Variants in ILKAP observed in about 807,000 individuals in gnomAD.
ILKAP encodes the protein ILK associated serine/threonine phosphatase.
ILKAP carries 11 observed loss-of-function variants against 49.1 expected under a neutral mutation model. The observed-to-expected ratio is 0.22, with a 90% CI of 0.14 to 0.37. The LOEUF (loss-of-function observed/expected upper bound fraction) is 0.37, where lower values mean the gene tolerates loss of function less well. ILKAP is among the 10% of genes least tolerant of loss of function. The pLI, the probability that ILKAP is intolerant of heterozygous loss-of-function variation, is 1.00. For synonymous variants in ILKAP, 186 were observed against 192.8 expected (o/e 0.96, Z 0.29); for missense variants, 363 against 510.8 (o/e 0.71, Z 2.79).
intron 2 of ILKAP, 119 bp from the exon 3 acceptor site, chr2:238,194,450 A>G (rs1694265843): frequency 1.2e-6 from 1 of 824,038 alleles, no homozygotes; most frequent in Non-Finnish European, 2.0e-6. Flanking sequence ...CTTTGCGTCA[A>G]TCCAGTGGCA....
At chr2:238,190,073 T>G (rs188281605) in intron 3 of ILKAP, 101 bp from the exon 4 acceptor site, 3 of 1,337,506 alleles carry the variant, frequency 2.2e-6, no homozygotes, top group African/African-American at 1.5e-5. Context: ...ACAAGGTCAT[T>G]TGAAGCAAGG....
intron 5 of ILKAP, 105 bp from the exon 6 acceptor site, chr2:238,185,392 AG>A (rs1392207890): frequency 4.2e-6 from 3 of 713,102 alleles, no homozygotes; most frequent in South Asian, 3.4e-5. Flanking sequence ...AATAAGTCAG[AG>A]GAAGTCACAC....
intron 10 of ILKAP, 138 bp from the exon 11 acceptor site, chr2:238,171,162 T>TC: frequency 4.0e-5 from 13 of 326,916 alleles, no homozygotes; most frequent in Non-Finnish European, 6.6e-5. Flanking sequence ...TCTTTTTTCT[T>TC]TTTTTTTTTT....
chr2:238,177,783 G>A (rs764022575), intron 9 of ILKAP, among the ~76,000 whole-genome samples: 1 of 152,188 alleles, frequency 6.6e-6, no homozygotes, highest in Non-Finnish European at 1.5e-5. Context: ...TGTGAACACA[G>A]GTATGCAAAT....
chr2:238,174,170 A>G (rs1693347077), intron 9 of ILKAP, among the ~76,000 whole-genome samples: 1 of 152,238 alleles, frequency 6.6e-6, no homozygotes, highest in African/African-American at 2.4e-5. Flanking sequence ...CATCAAGTAC[A>G]GGTACGGTTT....
chr2:238,202,173 TCACCATTG>T (rs1694597737), intron 1 of ILKAP, among the ~76,000 whole-genome samples: 1 of 152,160 alleles, frequency 6.6e-6, no homozygotes, highest in South Asian at 2.1e-4. Flanking sequence ...AGCTCAGATC[TCACCATTG>T]CACTCCAGCC....
At chr2:238,174,488 G>A (rs114560901) in intron 9 of ILKAP, among the ~76,000 whole-genome samples, 3 of 152,202 alleles carry the variant, frequency 2.0e-5, no homozygotes, top group Non-Finnish European at 2.9e-5. Flanking sequence ...CCACGGCTGC[G>A]CATGGGCGTT....
chr2:238,191,780 C>CT (rs1446665489), intron 3 of ILKAP, among the ~76,000 whole-genome samples: 1 of 152,012 alleles, frequency 6.6e-6, no homozygotes, highest in Non-Finnish European at 1.5e-5. Flanking sequence ...ATGGTAGCGC[C>CT]TGTAATCCCA....
At chr2:238,176,114 A>C in intron 9 of ILKAP, among the ~76,000 whole-genome samples, 2 of 131,844 alleles carry the variant, frequency 1.5e-5, no homozygotes, top group Non-Finnish European at 1.6e-5. Context: ...CCTCATAATT[A>C]CAATGCTTAG....
intron 8 of ILKAP, among the ~76,000 whole-genome samples, chr2:238,183,322 A>C (rs915384550): frequency 2.0e-5 from 3 of 152,244 alleles, no homozygotes; most frequent in Non-Finnish European, 2.9e-5. Context: ...AAATAAAAGA[A>C]GATTTAGGCT....
intron 2 of ILKAP, 108 bp downstream of exon 2, chr2:238,194,697 A>T (rs1194345379): frequency 8.6e-7 from 1 of 1,165,542 alleles, no homozygotes; most frequent in Non-Finnish European, 1.3e-6. Context: ...CCAACACCTA[A>T]AACATCTGTG....
chr2:238,178,616 G>A (rs374551541), intron 9 of ILKAP, among the ~76,000 whole-genome samples: 5 of 152,178 alleles, frequency 3.3e-5, no homozygotes, highest in African/African-American at 1.2e-4. Context: ...ACTCTGTAAC[G>A]TTAAATATGA....
At chr2:238,178,936 T>TG (rs774615760) in intron 9 of ILKAP, among the ~76,000 whole-genome samples, 2 of 152,230 alleles carry the variant, frequency 1.3e-5, no homozygotes, top group Non-Finnish European at 2.9e-5. Context: ...CACAAGTGTG[T>TG]GCCACCCCAC....
intron 3 of ILKAP, among the ~76,000 whole-genome samples, chr2:238,192,571 G>A (rs1306419459): frequency 1.3e-5 from 2 of 152,026 alleles, no homozygotes; most frequent in African/African-American, 2.4e-5. Context: ...GTGGTGGCGG[G>A]AGCCTGTAGT....
chr2:238,170,878 C>G, intron 11 of ILKAP, 65 bp downstream of exon 11: 1 of 1,517,898 alleles, frequency 6.6e-7, no homozygotes, highest in Non-Finnish European at 9.2e-7. Context: ...GGTCTCAGAA[C>G]TTCTACTTCT....
chr2:238,203,490 G>A lies in ILKAP; in HGVS notation c.55+9C>T. On this transcript the variant is annotated intron_variant, in intron 1 of 11. Coordinates refer to ENST00000254654, the MANE Select transcript of ILKAP (RefSeq NM_030768.3). ...CTTCCCTGGCCGGCCCGGCGGCAAC[G>A]CCGCTTACCGGCAGCCGGGCGCGGC... 3 of 1,247,648 alleles carry A rather than the reference G, an allele frequency of 2.4e-6. No individual in the cohort carries two copies. Among genetic ancestry groups the A allele is most frequent in the South Asian group, 2.0e-5 (1 of 50,652 alleles). 77.3% of individuals were successfully genotyped at this position (1,247,648 alleles called of 1,614,324 possible).
intron 5 of ILKAP, chr2:238,185,651 A>C (rs1256301731): frequency 5.9e-6 from 1 of 169,070 alleles, no homozygotes; most frequent in Non-Finnish European, 1.3e-5. Context: ...ACAATACAAA[A>C]AAATTAGCCG....
intron 9 of ILKAP, among the ~76,000 whole-genome samples, chr2:238,175,493 G>A (rs1472198822): frequency 2.0e-5 from 3 of 152,264 alleles, no homozygotes; most frequent in East Asian, 1.9e-4. Context: ...CCCAGGAAAC[G>A]CGTTTGGTAA....
At chr2:238,182,406 C>T (rs1280958555) in intron 8 of ILKAP, among the ~76,000 whole-genome samples, 2 of 152,216 alleles carry the variant, frequency 1.3e-5, no homozygotes, top group African/African-American at 4.8e-5. Context: ...GTTTTGATAT[C>T]AACTCTGGTA....
Sources: gnomAD v4.1 joint callset for allele counts (sites outside exome capture counted in the v4.1 genomes callset) on GRCh38, gnomAD v4.1.1 for gene constraint, MANE v1.5 for transcripts, NCBI Gene and HGNC (gene_info 2026-07-23, HGNC 2026-07-21) for gene names.